RASAL2: variants seen among roughly 807,000 people sequenced by gnomAD.
The protein encoded by RASAL2 is ras GTPase-activating protein nGAP.
RASAL2 carries 58 observed loss-of-function variants against 128.9 expected under a neutral mutation model. The ratio of observed to expected loss-of-function variants is 0.45; its 90% CI spans 0.36 to 0.56. The LOEUF (loss-of-function observed/expected upper bound fraction) is 0.56, where lower values mean the gene tolerates loss of function less well. Ranked by LOEUF, RASAL2 falls within the 20% of genes least tolerant of loss-of-function variation. The probability of loss-of-function intolerance (pLI) is 0.00; values close to 1 mark genes in which losing one functional copy is unlikely to be tolerated. For synonymous variants in RASAL2, 561 were observed against 580.8 expected, an observed-to-expected ratio of 0.97 and a Z score of 0.49; for missense variants, 1,360 against 1,601.6, an observed-to-expected ratio of 0.85 and a Z score of 2.57.
chr1:178,284,215 T>C (rs537096324), intron 2 of RASAL2, among the ~76,000 whole-genome samples: 1 of 152,318 alleles, frequency 6.6e-6, no homozygotes, highest in Non-Finnish European at 1.5e-5. Flanking sequence ...CCTAGAGAAC[T>C]GTAGCTGCAT....
rs1036252326 is a variant in RASAL2 at position 178,473,518 on chromosome 1, A to C, written c.*279A>C. 6 of 436,628 alleles carry C rather than the reference A, an allele frequency of 1.4e-5. No homozygotes were observed. Among genetic ancestry groups the C allele is most frequent in the Non-Finnish European group, 2.0e-5 (5 of 246,802 alleles). The allele number at this position is 436,628 out of a possible 1,614,324, so 27.0% of individuals were successfully genotyped here. ...TATACCAAAAGGAAGTTAATAATGTAGATTACCTTTTTGATTATTGCTATT... is the reference window on the plus strand; with the variant it reads ...TATACCAAAAGGAAGTTAATAATGTCGATTACCTTTTTGATTATTGCTATT... On this transcript the variant is annotated 3_prime_UTR_variant, in exon 18 of 18. Transcript: ENST00000367649.
Position 178,464,397 on chromosome 1 carries a change from C to T in RASAL2, c.3372C>T (p.Ala1124=). The change falls in exon 15 of 18, where the codon GCC becomes GCT. Residue 1124 remains alanine, a synonymous_variant. Transcript: ENST00000367649. The part of the protein sequence containing the change: ...VEETEQNLDE[A]KHAEKYEQEI... ...AAACTGAGCAAAATCTAGATGAAGC[C>T]AAGCATGCTGAGAAGGTAGAACCTA... 2 of 1,613,610 alleles carry T rather than the reference C, an allele frequency of 1.2e-6. No individual in the cohort carries two copies. The highest frequency in any genetic ancestry group is 2.2e-5 in the East Asian group (1 of 44,870).
chr1:178,128,237 A>G (rs970976918), intron 1 of RASAL2, among the ~76,000 whole-genome samples: 10 of 152,162 alleles, frequency 6.6e-5, no homozygotes, highest in Non-Finnish European at 1.3e-4. Flanking sequence ...ATGCTTATGC[A>G]TTTTGTGAAC....
At chr1:178,304,706 G>A (rs183175889) in intron 3 of RASAL2, among the ~76,000 whole-genome samples, 3 of 152,260 alleles carry the variant, frequency 2.0e-5, no homozygotes, top group Admixed American at 2.0e-4. Context: ...GTTTGCCTGT[G>A]GAAAAACTGA....
At chr1:178,200,749 G>A (rs191536471) in intron 1 of RASAL2, among the ~76,000 whole-genome samples, 2 of 152,310 alleles carry the variant, frequency 1.3e-5, no homozygotes, top group Admixed American at 1.3e-4. Context: ...TTGGAATGGT[G>A]ACGTGTGAGA....
intron 1 of RASAL2, among the ~76,000 whole-genome samples, chr1:178,199,526 G>A (rs985371504): frequency 6.6e-6 from 1 of 152,112 alleles, no homozygotes; most frequent in Non-Finnish European, 1.5e-5. Flanking sequence ...CCAAAAAATT[G>A]GAGATAACTC....
intron 1 of RASAL2, among the ~76,000 whole-genome samples, chr1:178,209,583 T>C (rs1663181776): frequency 6.6e-6 from 1 of 152,182 alleles, no homozygotes; most frequent in African/African-American, 2.4e-5. Context: ...AATAGCATGA[T>C]GATGTGCTCT....
At chr1:178,332,460 G>A (rs1411245906) in intron 3 of RASAL2, among the ~76,000 whole-genome samples, 1 of 151,786 alleles carries the variant, frequency 6.6e-6, no homozygotes, top group Admixed American at 6.6e-5. Flanking sequence ...AGCCGAGATT[G>A]CACCACTGCA....
intron 1 of RASAL2, among the ~76,000 whole-genome samples, chr1:178,146,400 G>A (rs193136673): frequency 1.9e-4 from 29 of 152,332 alleles, no homozygotes; most frequent in African/African-American, 3.8e-4. Flanking sequence ...AACACTTATA[G>A]TCAGATTGCA....
In RASAL2 at chr1:178,467,426, G is replaced by A; in HGVS notation, c.3678+5G>A. On this transcript the variant is annotated splice_donor_5th_base_variant and intron_variant, in intron 17 of 17. Transcript: ENST00000367649. ...CAGAAAATAATTGATGCACAGGTAA[G>A]CAGGCTTTGAATCTAATAGAAGGCA... 1 of 1,612,022 alleles carries A rather than the reference G, an allele frequency of 6.2e-7. No individual in the cohort carries two copies. Among genetic ancestry groups the A allele is most frequent in the Non-Finnish European group, 8.5e-7 (1 of 1,178,110 alleles).
chr1:178,431,897 ATAT>A (rs1675932183), intron 5 of RASAL2, among the ~76,000 whole-genome samples: 1 of 148,758 alleles, frequency 6.7e-6, no homozygotes, highest in African/African-American at 2.4e-5. Context: ...ACATGCAAAT[ATAT>A]TGTTATATAA....
chr1:178,371,322 C>CACACACACACACACACACA (rs1671685261), intron 3 of RASAL2, among the ~76,000 whole-genome samples: 5 of 124,476 alleles, frequency 4.0e-5, no homozygotes, highest in Admixed American at 8.6e-5. Context: ...GCCTTCTTTC[C>CACACACACACACACACACA]CACACACACA....
chr1:178,234,077 G>A (rs1373984496), intron 1 of RASAL2, among the ~76,000 whole-genome samples: 1 of 152,180 alleles, frequency 6.6e-6, no homozygotes, highest in African/African-American at 2.4e-5. Flanking sequence ...ATAGCAAGAA[G>A]TGAATGGATT....
chr1:178,326,151 A>C (rs1038575871), intron 3 of RASAL2, among the ~76,000 whole-genome samples: 11 of 152,200 alleles, frequency 7.2e-5, no homozygotes, highest in African/African-American at 2.4e-4. Context: ...TAAATAAATA[A>C]GAATTTTTTT....
At chr1:178,249,200 T>C (rs1242639013) in intron 1 of RASAL2, among the ~76,000 whole-genome samples, 1 of 152,156 alleles carries the variant, frequency 6.6e-6, no homozygotes, top group East Asian at 1.9e-4. Flanking sequence ...TTTGGTCTTT[T>C]CACATAGTCC....
chr1:178,184,421 T>C (rs1371020946), intron 1 of RASAL2, among the ~76,000 whole-genome samples: 1 of 152,040 alleles, frequency 6.6e-6, no homozygotes, highest in Non-Finnish European at 1.5e-5. Flanking sequence ...TTTATACTTT[T>C]ACATTTTACA....
chr1:178,443,885 C>T (rs980536027), intron 8 of RASAL2, among the ~76,000 whole-genome samples: 2 of 151,996 alleles, frequency 1.3e-5, no homozygotes, highest in East Asian at 1.9e-4. Context: ...GAAGAGTTAC[C>T]GTTATACTGT....
chr1:178,395,203 C>G (rs1256503535), intron 4 of RASAL2, among the ~76,000 whole-genome samples: 1 of 152,142 alleles, frequency 6.6e-6, no homozygotes, highest in Non-Finnish European at 1.5e-5. Context: ...CCAGTTAAAT[C>G]AAAATCTCTA....
Position 178,283,668 on chromosome 1 carries a change from G to T in RASAL2, c.307G>T (p.Val103Leu). Residue 103 changes from valine to leucine, a missense_variant, in exon 2 of 18, where the codon GTA becomes TTA. Coordinates refer to ENST00000367649, the MANE Select transcript of RASAL2 (RefSeq NM_170692.4). ...TTGCATCCTCACAGACAGCCAGTTGGTATTGCTCAACAAGGAGAAGGAGGT... is the reference window on the plus strand; with the variant it reads ...TTGCATCCTCACAGACAGCCAGTTGTTATTGCTCAACAAGGAGAAGGAGGT... Reference protein sequence around the residue: ...KYCILTDSQLVLLNKEKEIPV... With the variant: ...KYCILTDSQLLLLNKEKEIPV... 1 of 1,613,634 alleles carries T rather than the reference G, an allele frequency of 6.2e-7. No individual in the cohort carries two copies. The highest frequency in any genetic ancestry group is 8.5e-7 in the Non-Finnish European group (1 of 1,179,856).
Sources: allele counts gnomAD v4.1 joint callset (sites outside exome capture counted in the v4.1 genomes callset), GRCh38; gene constraint gnomAD v4.1.1; transcripts MANE v1.5; gene names NCBI Gene and HGNC (gene_info 2026-07-23, HGNC 2026-07-21).